ATG7: variants seen among roughly 807,000 people sequenced by gnomAD.
The protein encoded by ATG7 is autophagy related 7.
ATG7 carries 70 observed loss-of-function variants against 82.4 expected under a neutral mutation model. That is an observed-to-expected ratio of 0.85 (90% CI 0.70 to 1.04). ATG7 has a LOEUF of 1.04. ATG7 is among the 50% of genes least tolerant of loss of function. ATG7 has a pLI of 0.00. For missense variants in ATG7, 792 were observed against 864.3 expected (o/e 0.92, Z 1.05); for synonymous variants, 287 against 313.0 (o/e 0.92, Z 0.88).
chr3:11,405,367 G>C (rs553992891), intron 19 of ATG7, among the ~76,000 whole-genome samples: 1 of 152,222 alleles, frequency 6.6e-6, no homozygotes, highest in East Asian at 1.9e-4. Context: ...AGCTTGAGGG[G>C]GTGAGGCGAT....
intron 5 of ATG7, among the ~76,000 whole-genome samples, chr3:11,305,384 C>T (rs914323947): frequency 6.6e-6 from 1 of 152,198 alleles, no homozygotes; most frequent in East Asian, 1.9e-4. Context: ...TTTGGTATGG[C>T]TCTCACACAC....
At chr3:11,373,909 C>T (rs1042918970) in intron 18 of ATG7, among the ~76,000 whole-genome samples, 1 of 152,136 alleles carries the variant, frequency 6.6e-6, no homozygotes, top group African/African-American at 2.4e-5. Context: ...GACCTATTTT[C>T]TCTGTATAGT....
intron 20 of ATG7, among the ~76,000 whole-genome samples, chr3:11,541,051 C>A (rs907243509): frequency 6.6e-6 from 1 of 152,022 alleles, no homozygotes; most frequent in Non-Finnish European, 1.5e-5. Context: ...AGGTGCCCAC[C>A]ACCACACCTG....
At chr3:11,537,180 T>G (rs1437612985) in intron 20 of ATG7, among the ~76,000 whole-genome samples, 1 of 152,206 alleles carries the variant, frequency 6.6e-6, no homozygotes, top group South Asian at 2.1e-4. Flanking sequence ...CCTCCACTCC[T>G]GGACGGGCTG....
rs1400707538 is a variant in ATG7, at chr3:11,298,777, C to T, written c.82C>T (p.His28Tyr). 1.2e-6 allele frequency: 2 copies of T among 1,614,036 alleles called. No individual in the cohort carries two copies. Among genetic ancestry groups the T allele is most frequent in the African/African-American group, 2.7e-5 (2 of 74,926 alleles). ...TAGTGCCTTGGATGTTGGGTTTTGG[C>T]ATGAGTTGACCCAGAAGAAGCTGAA... ...FSSALDVGFW[H>Y]ELTQKKLNEY... is the part of the protein sequence containing the mutation. The change falls in exon 4 of 21, where the codon CAT becomes TAT. Residue 28 changes from histidine (H) to tyrosine (Y), a missense_variant. Physicochemically the swap from His to Tyr is moderately conservative, Grantham distance 83. Transcript: ENST00000693202.
At position 11,510,456 on chromosome 3, in the gene ATG7, C is replaced by A. The variant is rs940093409; in HGVS notation, c.2080-44355C>A. ...TTCGAGGTCTTCTTTCTCCCCACCC[C>A]CTCCCCCATCCCAGTGATACAGATG... On this transcript the variant is annotated intron_variant, in intron 20 of 20. Coordinates refer to ENST00000693202, the MANE Select transcript of ATG7 (RefSeq NM_001349232.2). 1.9e-5 allele frequency: 7 copies of A among 365,790 alleles called. No individual in the cohort carries two copies. The Admixed American group carries it at 2.4e-4, about 13-fold the overall frequency. The allele number at this position is 365,790 out of a possible 1,614,324, so 22.7% of individuals were successfully genotyped here.
intron 7 of ATG7, among the ~76,000 whole-genome samples, chr3:11,311,885 C>T (rs1158933565): frequency 6.6e-6 from 1 of 151,068 alleles, no homozygotes; most frequent in Non-Finnish European, 1.5e-5. Context: ...TAGACTTTCT[C>T]ATCTGTACAC....
intron 18 of ATG7, among the ~76,000 whole-genome samples, chr3:11,375,480 C>T (rs1375438254): frequency 6.6e-6 from 1 of 152,202 alleles, no homozygotes; most frequent in African/African-American, 2.4e-5. Context: ...ACTAGGATGG[C>T]TATAATCTAC....
At chr3:11,538,063 C>T (rs901746837) in intron 20 of ATG7, among the ~76,000 whole-genome samples, 6 of 149,158 alleles carry the variant, frequency 4.0e-5, no homozygotes, top group Non-Finnish European at 9.1e-5. Flanking sequence ...CCCTGTTGTC[C>T]AGCTGGCTAG....
intron 14 of ATG7, among the ~76,000 whole-genome samples, chr3:11,354,966 A>G (rs963367543): frequency 6.6e-6 from 1 of 152,210 alleles, no homozygotes; most frequent in East Asian, 1.9e-4. Flanking sequence ...GCCCAGGGAG[A>G]TTCTCTTGGT....
In ATG7 at chr3:11,333,001, T is replaced by C; in HGVS notation, c.797T>C (p.Val266Ala). 6.4e-7 allele frequency: 1 copy of C among 1,567,548 alleles called. No homozygotes were observed. Among genetic ancestry groups the C allele is most frequent in the Non-Finnish European group, 8.6e-7 (1 of 1,156,298 alleles). The change falls in exon 11 of 21, where the codon GTT becomes GCT. Residue 266 changes from valine to alanine, a missense_variant. Physicochemically the swap from Val to Ala is moderately conservative, Grantham distance 64 (BLOSUM62 0). Transcript: ENST00000693202. Reference sequence around the variant, plus strand: ...AGCAGTTTCCAGTCTGTTGAAGTTGTTTGCTTCCGTGACCGTACCATGCAG... The same window carrying C: ...AGCAGTTTCCAGTCTGTTGAAGTTGCTTGCTTCCGTGACCGTACCATGCAG... Reference protein sequence around the residue: ...WSSSFQSVEVVCFRDRTMQGA... With the variant: ...WSSSFQSVEVACFRDRTMQGA...
In ATG7 at chr3:11,367,014, T is replaced by TGTGTGTG. The variant is rs58790022; in HGVS notation, c.1875+2280_1875+2281insGTGTGTG. 1.3e-4 allele frequency among the ~76,000 whole-genome samples: 19 copies of TGTGTGTG among 150,868 alleles called. No individual in the cohort carries two copies. The South Asian group carries it at 1.7e-3, about 13-fold the overall frequency. The stretch of plus-strand genomic sequence containing the variant: ...GTGTGTGTGTGTGTGTGTGTGTGTG[T>TGTGTGTG]TTACTTGCTTACATTGTTTCAAGTT... On this transcript the variant is annotated intron_variant, in intron 18 of 20. Transcript: ENST00000693202.
At chr3:11,510,247 T>C (rs1187371940) in intron 20 of ATG7, 2 of 456,578 alleles carry the variant, frequency 4.4e-6, no homozygotes, top group Non-Finnish European at 8.8e-6. Flanking sequence ...CCACCTGCAC[T>C]CAGGAGTCGG....
At chr3:11,509,307 T>TA (rs937645039) in intron 20 of ATG7, among the ~76,000 whole-genome samples, 4 of 152,164 alleles carry the variant, frequency 2.6e-5, no homozygotes, top group African/African-American at 9.6e-5. Flanking sequence ...AGATAACACT[T>TA]AAAGGGCCAG....
chr3:11,328,842 T>G (rs894298404), intron 9 of ATG7, among the ~76,000 whole-genome samples: 1 of 152,138 alleles, frequency 6.6e-6, no homozygotes, highest in Non-Finnish European at 1.5e-5. Flanking sequence ...ATCCCAGAAC[T>G]TTGGGAGGAT....
At chr3:11,544,841 G>C (rs1046840256) in intron 20 of ATG7, among the ~76,000 whole-genome samples, 1 of 152,262 alleles carries the variant, frequency 6.6e-6, no homozygotes, top group African/African-American at 2.4e-5. Flanking sequence ...ACCAGGCTCT[G>C]AGCCGGGGCT....
chr3:11,508,496 C>A (rs1306403376), intron 20 of ATG7, among the ~76,000 whole-genome samples: 1 of 152,114 alleles, frequency 6.6e-6, no homozygotes, highest in Non-Finnish European at 1.5e-5. Flanking sequence ...GCTCTGTGGC[C>A]CAGGCTGGAA....
At chr3:11,477,227 T>C (rs2088360017) in intron 20 of ATG7, 1 of 1,286,502 alleles carries the variant, frequency 7.8e-7, no homozygotes. Flanking sequence ...TGGAATCTTT[T>C]ATTCCTCGCC....
rs187249732 is a variant in ATG7 at position 11,465,243 on chromosome 3, G to A, written c.2079+38317G>A. On this transcript the variant is annotated intron_variant, in intron 20 of 20. Transcript: ENST00000693202. Reference sequence around the variant, plus strand: ...AGGCCGAGGCGTGTGGATCCAGATCGAGACCATCCTGGCTAACACGGTGAA... The same window carrying A: ...AGGCCGAGGCGTGTGGATCCAGATCAAGACCATCCTGGCTAACACGGTGAA... Among the ~76,000 whole-genome samples, 6 of 151,880 alleles carry A rather than the reference G, an allele frequency of 4.0e-5. No homozygotes were observed. The East Asian group carries it at 1.2e-3, about 29-fold the overall frequency.
Sources: allele counts gnomAD v4.1 joint callset (sites outside exome capture counted in the v4.1 genomes callset), GRCh38; gene constraint gnomAD v4.1.1; transcripts MANE v1.5; gene names NCBI Gene and HGNC (gene_info 2026-07-23, HGNC 2026-07-21).